SHROOM3: variants seen among roughly 807,000 people sequenced by gnomAD.
The protein encoded by SHROOM3 is protein Shroom3.
In SHROOM3, 47 loss-of-function variants were observed where a neutral mutation model predicts 138.6. The ratio of observed to expected loss-of-function variants is 0.34; its 90% confidence interval spans 0.27 to 0.43. The LOEUF is 0.43. Among genes scored for constraint, SHROOM3 ranks in the 20% least tolerant of loss-of-function variants. SHROOM3 has a pLI of 1.00. For synonymous variants in SHROOM3, 1,062 were observed against 1,063.3 expected (o/e 1.00, Z 0.02); for missense variants, 2,491 against 2,596.5 (o/e 0.96, Z 0.88).
rs553915918 is a variant in SHROOM3, at chr4:76,769,546, C to T, written c.5350-1080C>T. On this transcript the variant is annotated intron_variant, in intron 9 of 10. Transcript: ENST00000296043. Reference sequence around the variant, plus strand: ...TTCAGTTAAATATATTGGGTATTTGCTTCACTGTTTTATAAGTATGGAAAT... The same window carrying T: ...TTCAGTTAAATATATTGGGTATTTGTTTCACTGTTTTATAAGTATGGAAAT... Among the ~76,000 whole-genome samples the T allele has an allele frequency of 4.5e-4, 69 of 152,278 alleles. 2 individuals are homozygous for T. The highest frequency in any genetic ancestry group is 4.5e-3 in the Admixed American group (69 of 15,296).
intron 2 of SHROOM3, among the ~76,000 whole-genome samples, chr4:76,667,966 C>CAAAAA (rs747974205): frequency 0.17 from 10,446 of 62,098 alleles, 1,565 homozygotes; most frequent in East Asian, 0.18. Flanking sequence ...GACTCCCTCT[C>CAAAAA]AAAAAAAAAA....
At chr4:76,602,731 A>T (rs1388174448) in intron 2 of SHROOM3, among the ~76,000 whole-genome samples, 1 of 152,178 alleles carries the variant, frequency 6.6e-6, no homozygotes, top group Non-Finnish European at 1.5e-5. Context: ...TATAAATACG[A>T]CAGAAGAGTT....
rs1722710556 is a variant in SHROOM3, at chr4:76,780,654, G to A, written c.*1477G>A. 6.6e-6 allele frequency: 1 copy of A among 152,092 alleles called. No individual in the cohort carries two copies. The highest frequency in any genetic ancestry group is 1.5e-5 in the Non-Finnish European group (1 of 68,026). The allele number at this position is 152,092 out of a possible 1,614,324, so 9.4% of individuals were successfully genotyped here. On this transcript the variant is annotated 3_prime_UTR_variant, in exon 11 of 11. Transcript: ENST00000296043. ...ATCAAAATTGTAGTTTGGGTCTCCA[G>A]TAGAGATGTCTTTTGATTAACTTAT... is the stretch of plus-strand genomic sequence containing the variant.
chr4:76,572,475 A>G (rs568832415), intron 2 of SHROOM3, among the ~76,000 whole-genome samples: 4 of 152,324 alleles, frequency 2.6e-5, no homozygotes, highest in African/African-American at 7.2e-5. Context: ...GACTATTCCC[A>G]GTGCAGTCAG....
At chr4:76,452,854 A>T (rs1325212984) in intron 1 of SHROOM3, among the ~76,000 whole-genome samples, 1 of 152,110 alleles carries the variant, frequency 6.6e-6, no homozygotes, top group Admixed American at 6.5e-5. Context: ...AGTAACTGGG[A>T]TTACAGGTGC....
chr4:76,768,597 A>C (rs1040104847), intron 9 of SHROOM3, among the ~76,000 whole-genome samples: 58 of 152,002 alleles, frequency 3.8e-4, no homozygotes, highest in Non-Finnish European at 7.2e-4. Context: ...TGCAAACTCC[A>C]CCTCTCAGGT....
At chr4:76,567,836 A>C (rs748857065) in intron 2 of SHROOM3, among the ~76,000 whole-genome samples, 1 of 152,032 alleles carries the variant, frequency 6.6e-6, no homozygotes, top group Non-Finnish European at 1.5e-5. Context: ...CATAACTTAA[A>C]GAAGCGAACA....
chr4:76,770,539 A>G, intron 9 of SHROOM3, 87 bp from the exon 10 acceptor site: 1 of 1,514,888 alleles, frequency 6.6e-7, no homozygotes. Context: ...AGCCTTGAAG[A>G]TGACAGAAGG....
At chr4:76,636,546 C>T (rs1289838523) in intron 2 of SHROOM3, among the ~76,000 whole-genome samples, 2 of 152,194 alleles carry the variant, frequency 1.3e-5, no homozygotes, top group Non-Finnish European at 2.9e-5. Context: ...TTGTTTTGTT[C>T]AACACTGTTT....
In SHROOM3 at chr4:76,747,582, T is replaced by C. The variant is rs1487959171; in HGVS notation, c.3754-1435T>C. On this transcript the variant is annotated intron_variant, in intron 5 of 10. Coordinates refer to ENST00000296043, the MANE Select transcript of SHROOM3 (RefSeq NM_020859.4). The stretch of plus-strand genomic sequence containing the variant: ...TCAAAACGAAATGCAAAGGATGTAA[T>C]AGGATATGAATACATATTTATACTT... Among the ~76,000 whole-genome samples, 9 of 152,292 alleles carry C rather than the reference T, an allele frequency of 5.9e-5. No homozygotes were observed. The East Asian group carries it at 1.5e-3, about 26-fold the overall frequency.
At chr4:76,444,661 A>G (rs1289662126) in intron 1 of SHROOM3, among the ~76,000 whole-genome samples, 3 of 150,712 alleles carry the variant, frequency 2.0e-5, no homozygotes, top group East Asian at 4.0e-4. Context: ...ATGCCTGGCT[A>G]ATTTTTGTAT....
chr4:76,624,781 A>AT (rs1735092156), intron 2 of SHROOM3, among the ~76,000 whole-genome samples: 2 of 152,226 alleles, frequency 1.3e-5, no homozygotes, highest in Non-Finnish European at 2.9e-5. Context: ...TTCTTTTAGG[A>AT]TTTAATAATA....
At chr4:76,519,828 A>G (rs1732525446) in intron 1 of SHROOM3, among the ~76,000 whole-genome samples, 1 of 152,116 alleles carries the variant, frequency 6.6e-6, no homozygotes, top group Non-Finnish European at 1.5e-5. Context: ...AATCTTTCCT[A>G]TTTATGAGAA....
intron 2 of SHROOM3, among the ~76,000 whole-genome samples, chr4:76,675,111 T>G (rs1464325105): frequency 6.6e-6 from 1 of 152,146 alleles, no homozygotes; most frequent in Non-Finnish European, 1.5e-5. Context: ...TTCCTACACA[T>G]GAGGAAGAGA....
rs916842826 is a variant in SHROOM3, at chr4:76,685,887, G to A, written c.324-24269G>A. On this transcript the variant is annotated intron_variant, in intron 2 of 10. Transcript: ENST00000296043. Reference sequence around the variant, plus strand: ...CAGCTACTCGGGAGGCAGGAGAATCGCTTGAACAAGGGAGGCAGAGGTTGC... The same window carrying A: ...CAGCTACTCGGGAGGCAGGAGAATCACTTGAACAAGGGAGGCAGAGGTTGC... Among the ~76,000 whole-genome samples the A allele has an allele frequency of 2.6e-4, 39 of 152,268 alleles. 1 individual carries two copies. In the Middle Eastern group the frequency reaches 0.014, roughly 53 times the overall value.
chr4:76,631,999 G>A (rs1428797381), intron 2 of SHROOM3, among the ~76,000 whole-genome samples: 2 of 152,148 alleles, frequency 1.3e-5, no homozygotes, highest in Non-Finnish European at 2.9e-5. Flanking sequence ...AAGAAACAAT[G>A]GAGGAGACAC....
Position 76,520,250 on chromosome 4 carries a change from T to C in SHROOM3, c.169-35359T>C, listed in dbSNP as rs1033225650. Among the ~76,000 whole-genome samples the C allele has an allele frequency of 3.3e-5, 5 of 152,314 alleles. No homozygotes were observed. The East Asian group carries it at 7.7e-4, about 23-fold the overall frequency. On this transcript the variant is annotated intron_variant, in intron 1 of 10. Transcript: ENST00000296043. ...TCAAAGAGAAATCATCTAATCCCTCTGCCTCTTGGCAGCATTTCAAGACTT... is the reference window on the plus strand; with the variant it reads ...TCAAAGAGAAATCATCTAATCCCTCCGCCTCTTGGCAGCATTTCAAGACTT...
chr4:76,604,209 T>G (rs943530824), intron 2 of SHROOM3, among the ~76,000 whole-genome samples: 4 of 152,180 alleles, frequency 2.6e-5, no homozygotes, highest in Non-Finnish European at 5.9e-5. Context: ...CTGGCTGCCT[T>G]GGAAGAGGAT....
intron 2 of SHROOM3, chr4:76,689,729 G>C (rs1452314790): frequency 2.0e-6 from 2 of 985,594 alleles, no homozygotes; most frequent in Non-Finnish European, 2.4e-6. Context: ...GCTGGGCACG[G>C]AGAGGGAGGC....
Sources: gnomAD v4.1 joint callset for allele counts (sites outside exome capture counted in the v4.1 genomes callset) on GRCh38, gnomAD v4.1.1 for gene constraint, MANE v1.5 for transcripts, NCBI Gene and HGNC (gene_info 2026-07-23, HGNC 2026-07-21) for gene names.